IKZF2: variants seen among roughly 807,000 people sequenced by gnomAD.
The protein encoded by IKZF2 is IKAROS family zinc finger 2, also known as zinc finger protein Helios.
In IKZF2, 15 loss-of-function variants were observed where a neutral mutation model predicts 49.2. That is an observed-to-expected ratio of 0.30 (90% confidence interval 0.20 to 0.47). IKZF2 has a LOEUF of 0.47. Ranked by LOEUF, IKZF2 falls within the 20% of genes least tolerant of loss-of-function variation. The pLI is 1.00. For missense variants in IKZF2, 567 were observed against 664.6 expected, an observed-to-expected ratio of 0.85 and a Z score of 1.61; for synonymous variants, 227 against 221.4, an observed-to-expected ratio of 1.03 and a Z score of -0.23.
intron 4 of IKZF2, among the ~76,000 whole-genome samples, chr2:213,112,296 G>A (rs578200095): frequency 6.7e-6 from 1 of 149,014 alleles, no homozygotes; most frequent in East Asian, 1.9e-4. Flanking sequence ...TATTGAGATT[G>A]TGTAGTTCAG....
intron 4 of IKZF2, among the ~76,000 whole-genome samples, chr2:213,092,226 C>T (rs1705427728): frequency 6.6e-6 from 1 of 151,964 alleles, no homozygotes. Context: ...ATGAGATCTC[C>T]CTATGTTGCC....
intron 4 of IKZF2, chr2:213,147,294 A>G (rs2061108420): frequency 3.0e-6 from 1 of 329,752 alleles, no homozygotes; most frequent in Non-Finnish European, 5.5e-6. Flanking sequence ...GTAACACTGT[A>G]ATTTTATCAC....
chr2:213,115,857 T>G (rs543304904), intron 4 of IKZF2, among the ~76,000 whole-genome samples: 1 of 152,070 alleles, frequency 6.6e-6, no homozygotes, highest in African/African-American at 2.4e-5. Flanking sequence ...TATTTTACTT[T>G]AAAGCATTTA....
chr2:213,018,503 T>A (rs907062760), intron 7 of IKZF2, among the ~76,000 whole-genome samples: 2 of 152,132 alleles, frequency 1.3e-5, no homozygotes, highest in Non-Finnish European at 2.9e-5. Flanking sequence ...GCATTGTCAT[T>A]TCCAGTCTCT....
intron 1 of IKZF2, among the ~76,000 whole-genome samples, chr2:213,151,148 C>A (rs557095749): frequency 4.6e-5 from 7 of 152,000 alleles, no homozygotes; most frequent in Admixed American, 2.6e-4. Context: ...ATTCCCTGAG[C>A]GTCCTTTACA....
At chr2:213,020,333 C>A (rs1697070737) in intron 7 of IKZF2, among the ~76,000 whole-genome samples, 1 of 152,072 alleles carries the variant, frequency 6.6e-6, no homozygotes, top group Non-Finnish European at 1.5e-5. Context: ...ATTTAATGTT[C>A]TCAAATGTTA....
intron 4 of IKZF2, among the ~76,000 whole-genome samples, chr2:213,128,268 C>G (rs968055460): frequency 6.6e-6 from 1 of 152,146 alleles, no homozygotes; most frequent in Non-Finnish European, 1.5e-5. Context: ...TAAATCACAA[C>G]AGCAAACGTG....
intron 4 of IKZF2, among the ~76,000 whole-genome samples, chr2:213,127,665 G>A (rs2060311191): frequency 1.3e-5 from 2 of 152,068 alleles, no homozygotes; most frequent in Non-Finnish European, 2.9e-5. Context: ...AATAGTCCTA[G>A]CATAAAGACA....
chr2:213,020,765 C>T (rs1697122299), intron 7 of IKZF2, among the ~76,000 whole-genome samples: 1 of 152,100 alleles, frequency 6.6e-6, no homozygotes, highest in South Asian at 2.1e-4. Context: ...AACACAGTTC[C>T]ATAGTATATA....
chr2:213,007,185 T>A lies in IKZF2; in HGVS notation c.*175A>T, dbSNP rs972032848. 10 of 633,416 alleles carry A rather than the reference T, an allele frequency of 1.6e-5. No homozygotes were observed. In the South Asian group the frequency reaches 1.6e-4, roughly 10 times the overall value. The allele number at this position is 633,416 out of a possible 1,614,324, so 39.2% of individuals were successfully genotyped here. A position where few individuals can be genotyped will look rare whatever the true frequency, so the allele number is the denominator to read the frequency against. Reference sequence around the variant, plus strand: ...CCTTCTCTCTTCTGTTTCTTCCTTATCGTAATTAGGCAGAGCAAATGACAC... The same window carrying A: ...CCTTCTCTCTTCTGTTTCTTCCTTAACGTAATTAGGCAGAGCAAATGACAC... On this transcript the variant is annotated 3_prime_UTR_variant, in exon 9 of 9. Coordinates refer to ENST00000434687, the MANE Select transcript of IKZF2 (RefSeq NM_001387220.1).
intron 4 of IKZF2, among the ~76,000 whole-genome samples, chr2:213,137,333 T>C (rs1330383789): frequency 2.0e-5 from 3 of 152,114 alleles, no homozygotes; most frequent in Non-Finnish European, 4.4e-5. Flanking sequence ...AATGTAATAA[T>C]GTAATAGAAG....
chr2:213,124,249 C>CAT (rs1559304273), intron 4 of IKZF2, among the ~76,000 whole-genome samples: 1 of 100,624 alleles, frequency 9.9e-6, no homozygotes, highest in African/African-American at 5.5e-5. Context: ...CTCGCGCGCG[C>CAT]GCGCACACAC....
In IKZF2 at chr2:213,127,786, T is replaced by G. The variant is rs1046378491; in HGVS notation, c.139+19922A>C. 2.0e-4 allele frequency among the ~76,000 whole-genome samples: 30 copies of G among 152,200 alleles called. 1 individual carries two copies. The highest frequency in any genetic ancestry group is 4.0e-4 in the Non-Finnish European group (27 of 68,028). ...TTTTGGTTAGATATGTCAACATTCT[T>G]TTCTAAAGAATTATAACTGCAATTT... is the stretch of plus-strand genomic sequence containing the variant. On this transcript the variant is annotated intron_variant, in intron 4 of 8. Coordinates refer to ENST00000434687, the MANE Select transcript of IKZF2 (RefSeq NM_001387220.1).
At chr2:213,111,160 T>C (rs905381494) in intron 4 of IKZF2, among the ~76,000 whole-genome samples, 3 of 152,068 alleles carry the variant, frequency 2.0e-5, no homozygotes, top group African/African-American at 7.2e-5. Flanking sequence ...GACTTTTAGA[T>C]ATTGAATTTT....
Position 213,025,218 on chromosome 2 carries a change from G to T in IKZF2, c.575-3088C>A, listed in dbSNP as rs141312283. On this transcript the variant is annotated intron_variant, in intron 6 of 8. Coordinates refer to ENST00000434687, the MANE Select transcript of IKZF2 (RefSeq NM_001387220.1). ...CTGCTTCTCAGTTTTTTCCTAACTT[G>T]CAAATATGTTATATGCATCCCTTCA... is the stretch of plus-strand genomic sequence containing the variant. Among the ~76,000 whole-genome samples, 1,238 of 152,182 alleles carry T rather than the reference G, an allele frequency of 8.1e-3. 10 individuals are homozygous for T. Among genetic ancestry groups the T allele is most frequent in the South Asian group, 0.025 (120 of 4,822 alleles).
intron 4 of IKZF2, among the ~76,000 whole-genome samples, chr2:213,087,649 C>G (rs188126538): frequency 1.4e-3 from 210 of 152,230 alleles, no homozygotes; most frequent in Non-Finnish European, 2.5e-3. Context: ...CTACCCTCCC[C>G]ACTCCCTGCA....
intron 5 of IKZF2, 108 bp from the exon 6 acceptor site, chr2:213,049,988 T>G (rs1393468674): frequency 1.4e-6 from 1 of 717,576 alleles, no homozygotes; most frequent in East Asian, 3.1e-5. Context: ...AATGTTCATC[T>G]CCCTCATAAG....
At chr2:213,039,787 T>C (rs1483393577) in intron 6 of IKZF2, among the ~76,000 whole-genome samples, 5 of 152,138 alleles carry the variant, frequency 3.3e-5, no homozygotes, top group Non-Finnish European at 7.4e-5. Context: ...GAGGTTTTAC[T>C]TAGAATTTAA....
At chr2:213,017,859 G>A (rs943542655) in intron 7 of IKZF2, among the ~76,000 whole-genome samples, 1 of 151,976 alleles carries the variant, frequency 6.6e-6, no homozygotes, top group African/African-American at 2.4e-5. Flanking sequence ...AACCTCAGGG[G>A]TTGCATTCTG....
Sources: gnomAD v4.1 joint callset for allele counts (sites outside exome capture counted in the v4.1 genomes callset) on GRCh38, gnomAD v4.1.1 for gene constraint, MANE v1.5 for transcripts, NCBI Gene and HGNC (gene_info 2026-07-23, HGNC 2026-07-21) for gene names.